The following AOPEP variants were observed in gnomAD, a reference collection of about 807,000 sequenced individuals.
AOPEP encodes the protein aminopeptidase O (putative).
In AOPEP, 77 loss-of-function variants were observed where a neutral mutation model predicts 98.1. The ratio of observed to expected loss-of-function variants is 0.78; its 90% CI spans 0.65 to 0.95. The LOEUF is 0.95. Ranked by LOEUF, AOPEP falls within the 40% of genes least tolerant of loss-of-function variation. The pLI, the probability that AOPEP is intolerant of heterozygous loss-of-function variation, is 0.00. For missense variants in AOPEP, 1,024 were observed against 1,024.7 expected, an observed-to-expected ratio of 1.00 and a Z score of 0.01; for synonymous variants, 346 against 365.3, an observed-to-expected ratio of 0.95 and a Z score of 0.60.
chr9:94,955,847 A>C, intron 8 of AOPEP, 61 bp from the exon 9 acceptor site: 1 of 1,186,866 alleles, frequency 8.4e-7, no homozygotes, highest in Admixed American at 1.8e-5. Context: ...CTGACTATAT[A>C]ACCATTTTTT....
chr9:94,733,221 C>T lies in AOPEP; in HGVS notation c.-136+6470C>T, dbSNP rs186939846. Among the ~76,000 whole-genome samples, 702 of 151,876 alleles carry T rather than the reference C, an allele frequency of 4.6e-3. 11 individuals are homozygous for T. The highest frequency in any genetic ancestry group is 6.0e-3 in the Non-Finnish European group (406 of 67,954). On this transcript the variant is annotated intron_variant, in intron 1 of 16. Coordinates refer to ENST00000375315, the MANE Select transcript of AOPEP (RefSeq NM_001193329.3). ...TCCCAGGCTCAAGCGATCCTCCTGC[C>T]TCAGCCTCCTGGGTGTCTGGGACTA...
chr9:95,146,675 G>T, the AOPEP span, among the ~76,000 whole-genome samples: 3 of 151,846 alleles, frequency 2.0e-5, no homozygotes, highest in Non-Finnish European at 4.4e-5. Context: ...GACGGAGAGG[G>T]CTCTGCAAAT....
chr9:95,058,617 GTGTT>G (rs2067041599), intron 13 of AOPEP, among the ~76,000 whole-genome samples: 2 of 152,338 alleles, frequency 1.3e-5, no homozygotes, highest in South Asian at 4.1e-4. Context: ...CCAGTTTTGA[GTGTT>G]TGTGGGGTAG....
chr9:94,962,396 G>C (rs1346516517), intron 9 of AOPEP, among the ~76,000 whole-genome samples: 1 of 152,180 alleles, frequency 6.6e-6, no homozygotes, highest in Non-Finnish European at 1.5e-5. Flanking sequence ...TGCCGGGTTT[G>C]TGCAGTTCAC....
the AOPEP span, among the ~76,000 whole-genome samples, chr9:95,095,377 G>A: frequency 6.6e-6 from 1 of 152,188 alleles, no homozygotes; most frequent in African/African-American, 2.4e-5. Context: ...CTGCCACGCT[G>A]TGGAAAAGCC....
At chr9:95,073,820 C>G (rs1407062673) in intron 14 of AOPEP, among the ~76,000 whole-genome samples, 5 of 152,302 alleles carry the variant, frequency 3.3e-5, no homozygotes, top group Middle Eastern at 3.4e-3. Context: ...GATCGCGTCA[C>G]TGTACTCCAG....
chr9:94,795,205 A>G (rs570794377), intron 4 of AOPEP, among the ~76,000 whole-genome samples: 1 of 152,128 alleles, frequency 6.6e-6, no homozygotes, highest in Non-Finnish European at 1.5e-5. Flanking sequence ...CCCCAGAGAG[A>G]GGTGAGTCAG....
intron 13 of AOPEP, chr9:95,019,735 G>A (rs1821981353): frequency 6.6e-6 from 1 of 152,154 alleles, no homozygotes. Context: ...TTGACCTGTG[G>A]AAATCTCATC....
rs537615521 is a variant in AOPEP, at chr9:95,058,674, G to A, written c.2116-2020G>A. Among the ~76,000 whole-genome samples, 8 of 152,298 alleles carry A rather than the reference G, an allele frequency of 5.3e-5. No homozygotes were observed. The South Asian group carries it at 8.3e-4, about 16-fold the overall frequency. ...TTGTGGCCTGGCCTGGGTACCCCTC[G>A]TGGAGCTGCTGTTTGACAGCAGCAC... On this transcript the variant is annotated intron_variant, in intron 13 of 16. Transcript: ENST00000375315.
intron 2 of AOPEP, among the ~76,000 whole-genome samples, chr9:94,764,483 C>T (rs548691088): frequency 1.7e-3 from 260 of 152,052 alleles, no homozygotes; most frequent in African/African-American, 6.1e-3. Context: ...CCCATCTTTA[C>T]TAAAAATACA....
At chr9:95,105,512 TAAATTGTGGTA>T in the AOPEP span, among the ~76,000 whole-genome samples, 1 of 152,258 alleles carries the variant, frequency 6.6e-6, no homozygotes, top group African/African-American at 2.4e-5. Flanking sequence ...AGTATTTTTT[TAAATTGTGGTA>T]AAATATACAT....
intron 11 of AOPEP, 200 bp from the exon 12 acceptor site, chr9:95,004,958 A>AGGCCCCGCGCCCGCCGCCCG (rs2061852257): frequency 1.4e-5 from 2 of 144,118 alleles, no homozygotes; most frequent in Admixed American, 6.8e-5. Flanking sequence ...GCCGCCGCCC[A>AGGCCCCGCGCCCGCCGCCCG]GGCCCCGCGC....
In AOPEP at chr9:94,987,588, C is replaced by G. The variant is rs552111748; in HGVS notation, c.1977+8161C>G. On this transcript the variant is annotated intron_variant, in intron 11 of 16. Transcript: ENST00000375315. ...GGCAAGAATCCTTCCCATTCAGCCT[C>G]CTTCTCATTCTCAGGTCCCTCCCAG... 5.9e-5 allele frequency among the ~76,000 whole-genome samples: 9 copies of G among 152,312 alleles called. No homozygotes were observed. The South Asian group carries it at 1.9e-3, about 32-fold the overall frequency.
intron 11 of AOPEP, among the ~76,000 whole-genome samples, chr9:94,992,192 T>C (rs1303612276): frequency 1.3e-5 from 2 of 152,182 alleles, no homozygotes; most frequent in African/African-American, 4.8e-5. Flanking sequence ...CTGTCAATGA[T>C]TGTTGAACTG....
chr9:94,918,608 G>A (rs939655123), intron 5 of AOPEP, among the ~76,000 whole-genome samples: 1 of 152,178 alleles, frequency 6.6e-6, no homozygotes, highest in African/African-American at 2.4e-5. Flanking sequence ...CCAGCTGTGT[G>A]ACCTTGGGCT....
At chr9:94,955,770 AAGGGCAGCC>A (rs1307012112) in intron 8 of AOPEP, 129 bp from the exon 9 acceptor site, 3 of 581,224 alleles carry the variant, frequency 5.2e-6, no homozygotes, top group Non-Finnish European at 9.2e-6. Context: ...TGAAAATGGA[AAGGGCAGCC>A]AGGGACAGGT....
rs990812166 is a variant in AOPEP at position 94,759,644 on chromosome 9, G to A, written c.-135-5G>A. 8.9e-6 allele frequency: 6 copies of A among 673,722 alleles called. No homozygotes were observed. In the African/African-American group the frequency reaches 1.1e-4, roughly 12 times the overall value. 41.7% of individuals were successfully genotyped at this position (673,722 alleles called of 1,614,324 possible). On this transcript the variant is annotated splice_region_variant and splice_polypyrimidine_tract_variant and intron_variant, in intron 1 of 16. Coordinates refer to ENST00000375315, the MANE Select transcript of AOPEP (RefSeq NM_001193329.3). ...TTATCTAATTGTGCTTTCCTTTTTT[G>A]CCAGGAGACTGAAAGGAACCATAAT...
intron 5 of AOPEP, among the ~76,000 whole-genome samples, chr9:94,877,280 A>G (rs2135761273): frequency 6.6e-6 from 1 of 152,316 alleles, no homozygotes; most frequent in African/African-American, 2.4e-5. Context: ...TGCAAGGGTC[A>G]GTTAAATTTA....
At chr9:95,110,777 A>T in the AOPEP span, 1 of 1,106,582 alleles carries the variant, frequency 9.0e-7, no homozygotes, top group Non-Finnish European at 1.1e-6. Context: ...AACCTAGCAA[A>T]TCAATGCTTG....
Sources: allele counts gnomAD v4.1 joint callset (sites outside exome capture counted in the v4.1 genomes callset), GRCh38; gene constraint gnomAD v4.1.1; transcripts MANE v1.5; gene names NCBI Gene and HGNC (gene_info 2026-07-23, HGNC 2026-07-21).